The following CAMTA1 variants were observed in gnomAD, a reference collection of about 807,000 sequenced individuals.
CAMTA1 encodes the protein calmodulin binding transcription activator 1, also known as calmodulin-binding transcription activator 1.
Under a neutral mutation model 170.9 loss-of-function variants are expected in CAMTA1, and 27 were observed. The ratio of observed to expected loss-of-function variants is 0.16; its 90% CI spans 0.12 to 0.22. CAMTA1 has a LOEUF of 0.22. Ranked by LOEUF, CAMTA1 falls within the 10% of genes least tolerant of loss-of-function variation. The probability of loss-of-function intolerance (pLI) is 1.00; values close to 1 mark genes in which losing one functional copy is unlikely to be tolerated. For synonymous variants in CAMTA1, 833 were observed against 891.5 expected (o/e 0.93, Z 1.17); for missense variants, 1,619 against 2,217.2 (o/e 0.73, Z 5.42).
chr1:7,581,750 C>T (rs1387137914), intron 6 of CAMTA1, among the ~76,000 whole-genome samples: 1 of 152,222 alleles, frequency 6.6e-6, no homozygotes, highest in African/African-American at 2.4e-5. Context: ...CTAGCATCCT[C>T]TTGCTGGGAA....
intron 3 of CAMTA1, among the ~76,000 whole-genome samples, chr1:6,931,111 C>T (rs1448731674): frequency 6.6e-6 from 1 of 152,198 alleles, no homozygotes; most frequent in Non-Finnish European, 1.5e-5. Context: ...TCCGTTCATA[C>T]CCCCAGTGGT....
intron 4 of CAMTA1, among the ~76,000 whole-genome samples, chr1:7,155,629 C>T (rs754896608): frequency 6.6e-6 from 1 of 151,874 alleles, no homozygotes; most frequent in Non-Finnish European, 1.5e-5. Flanking sequence ...AGAGGTCACA[C>T]CATGTTGTTC....
At chr1:7,332,845 T>A (rs2149754180) in intron 5 of CAMTA1, among the ~76,000 whole-genome samples, 1 of 152,046 alleles carries the variant, frequency 6.6e-6, no homozygotes, top group African/African-American at 2.4e-5. Context: ...ACACACACAA[T>A]ACCCATTACT....
At chr1:7,045,012 C>T (rs758958400) in intron 3 of CAMTA1, among the ~76,000 whole-genome samples, 1 of 152,132 alleles carries the variant, frequency 6.6e-6, no homozygotes, top group Non-Finnish European at 1.5e-5. Context: ...ATTGTTGAGA[C>T]TCCTGTAAGA....
chr1:6,812,306 C>A (rs368511023), intron 1 of CAMTA1, among the ~76,000 whole-genome samples: 35 of 152,260 alleles, frequency 2.3e-4, no homozygotes, highest in African/African-American at 7.5e-4. Flanking sequence ...TGCCTTGTTA[C>A]CCATGTCTTG....
intron 1 of CAMTA1, among the ~76,000 whole-genome samples, chr1:6,815,239 C>T (rs1031102214): frequency 6.6e-6 from 1 of 151,158 alleles, no homozygotes; most frequent in Non-Finnish European, 1.5e-5. Flanking sequence ...GGGTCTCACT[C>T]TGTTGCCTAG....
rs1291815928 is a variant in CAMTA1 at position 6,785,524 on chromosome 1, G to A, written c.-7G>A. On this transcript the variant is annotated 5_prime_UTR_variant, in exon 1 of 23. Coordinates refer to ENST00000303635, the MANE Select transcript of CAMTA1 (RefSeq NM_015215.4). ...CGCTCGGGGTCCCGGTCGCGAGGAG[G>A]AGGAGGATGTGGCGCGCGGAGGGGA... The A allele has an allele frequency of 2.8e-5, 30 of 1,071,916 alleles. No individual in the cohort carries two copies. Among genetic ancestry groups the A allele is most frequent in the Non-Finnish European group, 3.4e-5 (30 of 871,630 alleles). The allele number at this position is 1,071,916 out of a possible 1,614,324, so 66.4% of individuals were successfully genotyped here. A position where few individuals can be genotyped will look rare whatever the true frequency, so the allele number is the denominator to read the frequency against.
At position 7,251,447 on chromosome 1, in the gene CAMTA1, C is replaced by T. The variant is rs148530531; in HGVS notation, c.438+1821C>T. 8.1e-4 allele frequency among the ~76,000 whole-genome samples: 124 copies of T among 152,242 alleles called. No homozygotes were observed. Among genetic ancestry groups the T allele is most frequent in the Non-Finnish European group, 1.3e-3 (90 of 68,004 alleles). On this transcript the variant is annotated intron_variant, in intron 5 of 22. Transcript: ENST00000303635. This position sits in a 1 kb window ranked among gnomAD's most constrained non-coding sequence, Gnocchi z 5.1. ...GGATGGGGAGGGGTTTCCATGACCT[C>T]CTAACATGGATGGCAGTGTGGGCAG...
intron 11 of CAMTA1, among the ~76,000 whole-genome samples, chr1:7,678,340 G>A (rs927425707): frequency 3.9e-5 from 6 of 152,170 alleles, no homozygotes; most frequent in East Asian, 1.9e-4. Context: ...CCTGTACGGC[G>A]TCTGTGGCAA....
intron 3 of CAMTA1, among the ~76,000 whole-genome samples, chr1:7,060,331 G>A (rs772094736): frequency 8.5e-5 from 13 of 152,152 alleles, no homozygotes; most frequent in Non-Finnish European, 1.5e-4. Context: ...TGGCGTTTCC[G>A]CTGTGCACAC....
chr1:7,122,343 C>G (rs938187181), intron 4 of CAMTA1, among the ~76,000 whole-genome samples: 4 of 152,110 alleles, frequency 2.6e-5, no homozygotes, highest in African/African-American at 9.7e-5. Context: ...ACCCCCACCC[C>G]TAAGAGCTCC....
rs1224809186 is a variant in CAMTA1, at chr1:7,064,039, T to C, written c.235-27265T>C. Among the ~76,000 whole-genome samples, 1 of 152,156 alleles carries C rather than the reference T, an allele frequency of 6.6e-6. No individual in the cohort carries two copies. The highest frequency in any genetic ancestry group is 1.5e-5 in the Non-Finnish European group (1 of 68,018). ...GCCTGGCTGCCAGGTGGCTGCCTTCTCATATGGTGGGAGCCTTTGCCTTCA... is the reference window on the plus strand; with the variant it reads ...GCCTGGCTGCCAGGTGGCTGCCTTCCCATATGGTGGGAGCCTTTGCCTTCA... On this transcript the variant is annotated intron_variant, in intron 3 of 22. Transcript: ENST00000303635. This position sits in a 1 kb window ranked among gnomAD's most constrained non-coding sequence, Gnocchi z 5.4.
chr1:6,990,805 C>CTCTA (rs1225500898), intron 3 of CAMTA1, among the ~76,000 whole-genome samples: 29 of 141,644 alleles, frequency 2.0e-4, no homozygotes, highest in Non-Finnish European at 3.4e-4. Context: ...CTCTCTCTCT[C>CTCTA]TATATATATA....
At chr1:6,926,614 T>G (rs1288267218) in intron 3 of CAMTA1, among the ~76,000 whole-genome samples, 2 of 116,996 alleles carry the variant, frequency 1.7e-5, no homozygotes, top group Non-Finnish European at 3.9e-5. Context: ...CTCTCATTCT[T>G]TCTTTCTCCC....
At chr1:6,972,802 C>T (rs775008318) in intron 3 of CAMTA1, among the ~76,000 whole-genome samples, 19 of 152,186 alleles carry the variant, frequency 1.2e-4, no homozygotes, top group Non-Finnish European at 1.2e-4. Flanking sequence ...GAATGCTAAA[C>T]GTGAACTCCA....
chr1:7,376,931 G>C (rs930450575), intron 5 of CAMTA1, among the ~76,000 whole-genome samples: 3 of 152,220 alleles, frequency 2.0e-5, no homozygotes, highest in African/African-American at 7.2e-5. Flanking sequence ...TAATGGATGA[G>C]ATCACAGACC....
chr1:7,038,451 C>T (rs919879857), intron 3 of CAMTA1, among the ~76,000 whole-genome samples: 2 of 152,144 alleles, frequency 1.3e-5, no homozygotes, highest in East Asian at 1.9e-4. Flanking sequence ...AGATTTCAAA[C>T]GTATTTCAAA....
intron 3 of CAMTA1, among the ~76,000 whole-genome samples, chr1:6,963,269 TGGCC>T (rs1467630340): frequency 2.5e-4 from 1 of 4,038 alleles, no homozygotes; most frequent in Non-Finnish European, 5.3e-4. Context: ...CCCACCCACC[TGGCC>T]CCCCCCCCCC....
chr1:6,884,306 A>ACACC (rs1414752741), intron 3 of CAMTA1, among the ~76,000 whole-genome samples: 1 of 143,088 alleles, frequency 7.0e-6, no homozygotes, highest in Non-Finnish European at 1.6e-5. Flanking sequence ...ACACACACAC[A>ACACC]CACACACACA....
Sources: gnomAD v4.1 joint callset for allele counts (sites outside exome capture counted in the v4.1 genomes callset) on GRCh38, gnomAD v4.1.1 for gene constraint, Gnocchi (gnomAD v3.1) non-coding constraint, MANE v1.5 for transcripts, NCBI Gene and HGNC (gene_info 2026-07-23, HGNC 2026-07-21) for gene names.